The following NDRG4 variants were observed in gnomAD, a reference collection of about 807,000 sequenced individuals.
The protein encoded by NDRG4 is protein NDRG4.
A neutral mutation model predicts 55.8 loss-of-function variants in NDRG4; 38 were observed. The observed-to-expected ratio is 0.68, with a 90% CI of 0.53 to 0.89. The LOEUF (loss-of-function observed/expected upper bound fraction) is 0.89. Ranked by LOEUF, NDRG4 falls within the 40% of genes least tolerant of loss-of-function variation. NDRG4 has a pLI of 0.00. For missense variants in NDRG4, 455 were observed against 468.6 expected, an observed-to-expected ratio of 0.97 and a Z score of 0.27; for synonymous variants, 190 against 182.7, an observed-to-expected ratio of 1.04 and a Z score of -0.32.
chr16:58,504,853 T>G, intron 5 of NDRG4: 1 of 592,456 alleles, frequency 1.7e-6, no homozygotes, highest in South Asian at 2.2e-5. Flanking sequence ...GGTTCCTTTC[T>G]CCATATAGTT....
intron 2 of NDRG4, among the ~76,000 whole-genome samples, chr16:58,489,867 C>T (rs930798236): frequency 1.3e-5 from 2 of 151,936 alleles, no homozygotes; most frequent in Non-Finnish European, 2.9e-5. Context: ...TCTTCTGAAG[C>T]AGGGTCTCAC....
upstream of NDRG4, among the ~76,000 whole-genome samples, chr16:58,497,313 C>G (rs749149512): frequency 4.6e-5 from 7 of 151,810 alleles, no homozygotes; most frequent in Non-Finnish European, 7.4e-5. Context: ...CAGAGCAAGA[C>G]CATGTCTCCA....
upstream of NDRG4, among the ~76,000 whole-genome samples, chr16:58,497,662 C>T (rs1464780162): frequency 3.9e-5 from 6 of 152,338 alleles, no homozygotes; most frequent in African/African-American, 1.2e-4. Flanking sequence ...CAAGGTCACA[C>T]AGCAAAGAAG....
At chr16:58,479,426 A>G (rs2151624145) in intron 1 of NDRG4, among the ~76,000 whole-genome samples, 1 of 152,286 alleles carries the variant, frequency 6.6e-6, no homozygotes, top group Admixed American at 6.5e-5. Flanking sequence ...ACCCTTGTGT[A>G]CTGCCTCTTA....
chr16:58,501,170 G>A (rs1307228499), intron 1 of NDRG4: 1 of 830,962 alleles, frequency 1.2e-6, no homozygotes, highest in Non-Finnish European at 1.6e-6. Flanking sequence ...CGGTTCCGCA[G>A]ACGATAGGTC....
upstream of NDRG4, among the ~76,000 whole-genome samples, chr16:58,496,148 T>C (rs2036378587): frequency 6.6e-6 from 1 of 152,128 alleles, no homozygotes; most frequent in Admixed American, 6.5e-5. Flanking sequence ...ACAGTGCTGA[T>C]GCCAGCCCCA....
chr16:58,511,600 C>T lies in NDRG4; in HGVS notation c.*24C>T, dbSNP rs1186302492. 1.9e-6 allele frequency: 3 copies of T among 1,612,922 alleles called. No homozygotes were observed. Among genetic ancestry groups the T allele is most frequent in the Non-Finnish European group, 2.5e-6 (3 of 1,179,862 alleles). On this transcript the variant is annotated 3_prime_UTR_variant, in exon 15 of 15. Coordinates refer to ENST00000570248, the MANE Select transcript of NDRG4 (RefSeq NM_001242835.2). ...GAAGCCCTTGATCCCGCTGACGACG[C>T]CCACGTCGAGGCCCCACCGCCATCC... is the stretch of plus-strand genomic sequence containing the variant.
intron 1 of NDRG4, among the ~76,000 whole-genome samples, chr16:58,465,582 A>AC: frequency 6.6e-6 from 1 of 150,652 alleles, no homozygotes; most frequent in East Asian, 2.0e-4. Flanking sequence ...GGGGTGGGGT[A>AC]CGTTGGGTGA....
intron 5 of NDRG4, among the ~76,000 whole-genome samples, chr16:58,505,719 T>C (rs866162297): frequency 2.7e-4 from 34 of 128,268 alleles, no homozygotes; most frequent in Middle Eastern, 3.8e-3. Context: ...TTTTCTTTTT[T>C]TTTTTTTTTT....
intron 1 of NDRG4, among the ~76,000 whole-genome samples, chr16:58,485,706 G>A (rs1486184242): frequency 6.6e-6 from 1 of 152,128 alleles, no homozygotes; most frequent in Non-Finnish European, 1.5e-5. Flanking sequence ...CATCTGCATT[G>A]TGTTAGCTGG....
intron 1 of NDRG4, among the ~76,000 whole-genome samples, chr16:58,484,592 G>A (rs2034851298): frequency 6.6e-6 from 1 of 152,310 alleles, no homozygotes; most frequent in Middle Eastern, 3.4e-3. Flanking sequence ...CATTTGGTGT[G>A]TACAGCTTCT....
At position 58,503,785 on chromosome 16, in the gene NDRG4, C is replaced by T. The variant is rs1042632888; in HGVS notation, c.22-13C>T. The T allele has an allele frequency of 1.6e-5, 26 of 1,613,702 alleles. No individual in the cohort carries two copies. The highest frequency in any genetic ancestry group is 2.2e-5 in the Non-Finnish European group (26 of 1,179,974). On this transcript the variant is annotated splice_polypyrimidine_tract_variant and intron_variant, in intron 1 of 14. Coordinates refer to ENST00000570248, the MANE Select transcript of NDRG4 (RefSeq NM_001242835.2). ...GGCTGCCCAGAGTGTCCAGCACGGTCTCTCCCCTTCAGGAACATGACATCG... is the reference window on the plus strand; with the variant it reads ...GGCTGCCCAGAGTGTCCAGCACGGTTTCTCCCCTTCAGGAACATGACATCG...
intron 5 of NDRG4, among the ~76,000 whole-genome samples, chr16:58,505,125 A>AAGCG (rs2037695658): frequency 1.3e-5 from 2 of 152,186 alleles, no homozygotes; most frequent in Admixed American, 1.3e-4. Flanking sequence ...CAAGGTGGGC[A>AAGCG]GATCACGAGG....
At chr16:58,475,059 G>A (rs1211968383) in intron 1 of NDRG4, among the ~76,000 whole-genome samples, 3 of 152,288 alleles carry the variant, frequency 2.0e-5, no homozygotes, top group Non-Finnish European at 4.4e-5. Flanking sequence ...GATGCCCCTC[G>A]GGCTCTCTCT....
At chr16:58,476,834 G>T (rs2151604260) in intron 1 of NDRG4, among the ~76,000 whole-genome samples, 1 of 152,282 alleles carries the variant, frequency 6.6e-6, no homozygotes, top group South Asian at 2.1e-4. Flanking sequence ...TTACAAAAGT[G>T]ATAGATGCTT....
In NDRG4 at chr16:58,487,754, A is replaced by G; in HGVS notation, c.-23-2A>G. ...GGCCTCAACCTCGCCCTCCCTCCCT[A>G]GGCCTCCTGCTCCACGACGTGACCA... On this transcript the variant is annotated splice_acceptor_variant, in intron 1 of 15. Transcript: ENST00000258187. LOFTEE classifies it low-confidence loss of function (5UTR_SPLICE). 1 of 1,534,732 alleles carries G rather than the reference A, an allele frequency of 6.5e-7. No homozygotes were observed. Among genetic ancestry groups the G allele is most frequent in the East Asian group, 2.5e-5 (1 of 40,242 alleles).
intron 10 of NDRG4, among the ~76,000 whole-genome samples, chr16:58,508,638 C>T (rs112850534): frequency 1.4e-4 from 22 of 152,184 alleles, no homozygotes; most frequent in African/African-American, 4.8e-4. Context: ...CCTCGGCACC[C>T]CTCACCTCAC....
At chr16:58,470,662 T>C (rs2032594769) in intron 1 of NDRG4, among the ~76,000 whole-genome samples, 1 of 151,790 alleles carries the variant, frequency 6.6e-6, no homozygotes, top group Non-Finnish European at 1.5e-5. Context: ...ATCCCAGCAC[T>C]TTGGGAGGCT....
At chr16:58,491,303 C>T (rs1597196565) in intron 2 of NDRG4, among the ~76,000 whole-genome samples, 2 of 152,164 alleles carry the variant, frequency 1.3e-5, no homozygotes, top group South Asian at 2.1e-4. Context: ...ACCCCACACC[C>T]GACACAGCCT....
Sources: gnomAD v4.1 joint callset for allele counts (sites outside exome capture counted in the v4.1 genomes callset) on GRCh38, gnomAD v4.1.1 for gene constraint, MANE v1.5 for transcripts, NCBI Gene and HGNC (gene_info 2026-07-23, HGNC 2026-07-21) for gene names.